Variants in NHS observed in about 807,000 individuals in gnomAD.
The protein encoded by NHS is NHS actin remodeling regulator, also known as actin remodeling regulator NHS.
In NHS, 5 loss-of-function variants were observed where a neutral mutation model predicts 72.5. The ratio of observed to expected loss-of-function variants is 0.07; its 90% confidence interval spans 0.04 to 0.14. The LOEUF is 0.14. Ranked by LOEUF, NHS falls within the 10% of genes least tolerant of loss-of-function variation. The pLI, the probability that NHS is intolerant of heterozygous loss-of-function variation, is 1.00. For missense variants in NHS, 1,072 were observed against 1,355.7 expected, an observed-to-expected ratio of 0.79 and a Z score of 3.29; for synonymous variants, 464 against 547.7, an observed-to-expected ratio of 0.85 and a Z score of 2.13.
intron 8 of NHS, 36 bp from the exon 9 acceptor site, chrX:17,731,822 G>A: frequency 5.1e-6 from 6 of 1,166,526 alleles, no homozygotes; most frequent in Non-Finnish European, 6.9e-6. Context: ...CGTGAACTGA[G>A]TGAGATGTTT....
intron 1 of NHS, among the ~76,000 whole-genome samples, chrX:17,580,946 G>A (rs1180333949): frequency 8.9e-6 from 1 of 112,207 alleles, no homozygotes; most frequent in African/African-American, 3.2e-5. Context: ...CCACTGGGGC[G>A]GGGAGGGCAG....
chrX:17,528,055 G>T (rs1480366808), intron 1 of NHS, among the ~76,000 whole-genome samples: 1 of 111,700 alleles, frequency 9.0e-6, no homozygotes, highest in Non-Finnish European at 1.9e-5. Context: ...TTTTTCTACC[G>T]CTTCCTCTTG....
In NHS at chrX:17,726,026, G is replaced by C. The variant is rs767954983; in HGVS notation, c.1920G>C (p.Thr640=). ...GCAACTGGAGTGGGAGCAGCTCCAC[G>C]TGCCCCTCGCAGACCTCAGAAACCA... ...SSGNWSGSSS[T]CPSQTSETIP... is the part of the protein sequence containing the mutation. Residue 640 remains threonine (T), a synonymous_variant, in exon 7 of 9, where the codon ACG becomes ACC. Transcript: ENST00000676302. 4.1e-6 allele frequency: 5 copies of C among 1,211,367 alleles called. No individual in the cohort carries two copies. The highest frequency in any genetic ancestry group is 4.5e-6 in the Non-Finnish European group (4 of 895,382).
At chrX:17,421,359 C>T (rs1372086876) in intron 1 of NHS, among the ~76,000 whole-genome samples, 3 of 109,336 alleles carry the variant, frequency 2.7e-5, no homozygotes, top group Non-Finnish European at 3.8e-5. Flanking sequence ...TTCTTTCTGG[C>T]GGAGAGTCAT....
chrX:17,426,662 C>T (rs2064658952), intron 1 of NHS, among the ~76,000 whole-genome samples: 2 of 112,238 alleles, frequency 1.8e-5, no homozygotes, highest in Admixed American at 1.9e-4. Flanking sequence ...GGGGCACATG[C>T]ACATCATTCA....
intron 1 of NHS, among the ~76,000 whole-genome samples, chrX:17,657,977 C>A (rs1362545478): frequency 1.8e-5 from 2 of 112,706 alleles, no homozygotes; most frequent in Non-Finnish European, 3.8e-5. Flanking sequence ...GGAGCCTCTT[C>A]CTGGTCAGCA....
chrX:17,550,731 G>T (rs1286969663), intron 1 of NHS, among the ~76,000 whole-genome samples: 1 of 111,952 alleles, frequency 8.9e-6, no homozygotes, highest in Non-Finnish European at 1.9e-5. Context: ...AATCCATTTT[G>T]CATACAACTG....
At chrX:17,419,072 T>C (rs1449836253) in intron 1 of NHS, among the ~76,000 whole-genome samples, 2 of 112,736 alleles carry the variant, frequency 1.8e-5, no homozygotes, top group Non-Finnish European at 3.7e-5. Flanking sequence ...AGTGTCTTTA[T>C]AGTTTAACAT....
chrX:17,386,699 A>AT (rs1292924338), intron 1 of NHS, among the ~76,000 whole-genome samples: 3 of 110,105 alleles, frequency 2.7e-5, no homozygotes, highest in African/African-American at 9.9e-5. Flanking sequence ...AAGAAAAAAA[A>AT]GAATGTCCCT....
intron 1 of NHS, among the ~76,000 whole-genome samples, chrX:17,617,608 G>A (rs1052675383): frequency 8.9e-6 from 1 of 111,956 alleles, no homozygotes; most frequent in African/African-American, 3.2e-5. Flanking sequence ...GTATCCAGTC[G>A]GTGTCTCATG....
intron 1 of NHS, among the ~76,000 whole-genome samples, chrX:17,491,420 G>A (rs1243914996): frequency 8.9e-6 from 1 of 111,957 alleles, no homozygotes; most frequent in Non-Finnish European, 1.9e-5. Context: ...GATGGATTAC[G>A]TTTATTGATT....
chrX:17,579,921 G>A (rs1569286753), intron 1 of NHS, among the ~76,000 whole-genome samples: 2 of 111,016 alleles, frequency 1.8e-5, no homozygotes, highest in African/African-American at 6.6e-5. Context: ...TTGGTGAGAT[G>A]TGTTCTCTAC....
intron 1 of NHS, among the ~76,000 whole-genome samples, chrX:17,508,556 C>T (rs1164428364): frequency 9.0e-6 from 1 of 111,513 alleles, no homozygotes; most frequent in Non-Finnish European, 1.9e-5. Flanking sequence ...CTGCAACCTC[C>T]ACCTCCCAGG....
Position 17,387,620 on chromosome X carries a change from C to T in NHS, c.565+11298C>T, listed in dbSNP as rs766379241. ...ATTTGCTGAGGCTCAGTTTGAGTAA[C>T]ATTGGCAAGTGTCTGGTTTAACTAA... is the stretch of plus-strand genomic sequence containing the variant. On this transcript the variant is annotated intron_variant, in intron 1 of 8. Coordinates refer to ENST00000676302, the MANE Select transcript of NHS (RefSeq NM_001291867.2). 1.2e-4 allele frequency among the ~76,000 whole-genome samples: 14 copies of T among 112,229 alleles called. 1 individual carries two copies. The South Asian group carries it at 4.9e-3, about 39-fold the overall frequency.
At chrX:17,473,996 G>T (rs2064903092) in intron 1 of NHS, among the ~76,000 whole-genome samples, 1 of 110,993 alleles carries the variant, frequency 9.0e-6, no homozygotes, top group Non-Finnish European at 1.9e-5. Flanking sequence ...TGTCATAGGG[G>T]TTTGCGGTAC....
chrX:17,712,294 C>T (rs866373040), intron 3 of NHS, among the ~76,000 whole-genome samples: 38 of 72,936 alleles, frequency 5.2e-4, no homozygotes, highest in East Asian at 2.0e-3. Context: ...TATATATACA[C>T]ACACACACAC....
chrX:17,696,413 T>C (rs1381913031), intron 3 of NHS, among the ~76,000 whole-genome samples: 1 of 111,696 alleles, frequency 9.0e-6, no homozygotes, highest in East Asian at 2.8e-4. Flanking sequence ...GCAGAATTTC[T>C]GGGTAATTTT....
chrX:17,615,152 G>A (rs112406111), intron 1 of NHS, among the ~76,000 whole-genome samples: 2,714 of 63,451 alleles, frequency 0.043, 90 homozygotes, highest in African/African-American at 0.12. Context: ...ATATATACGT[G>A]TATATATACT....
intron 1 of NHS, chrX:17,635,742 A>T: frequency 1.6e-6 from 1 of 644,804 alleles, no homozygotes; most frequent in Non-Finnish European, 2.4e-6. Context: ...GCCCTTTCAC[A>T]GGAACAGCTG....
Sources: allele counts gnomAD v4.1 joint callset (sites outside exome capture counted in the v4.1 genomes callset), GRCh38; gene constraint gnomAD v4.1.1; transcripts MANE v1.5; gene names NCBI Gene and HGNC (gene_info 2026-07-23, HGNC 2026-07-21).